The following PON1 variants were observed in gnomAD, a reference collection of about 807,000 sequenced individuals.
The protein encoded by PON1 is paraoxonase 1.
A neutral mutation model predicts 39.2 loss-of-function variants in PON1; 37 were observed. The ratio of observed to expected loss-of-function variants is 0.94; its 90% CI spans 0.73 to 1.24. The LOEUF (loss-of-function observed/expected upper bound fraction) is 1.24. PON1 is among the 50% of genes most tolerant of loss of function. The pLI, the probability that PON1 is intolerant of heterozygous loss-of-function variation, is 0.00. For synonymous variants in PON1, 148 were observed against 152.2 expected (o/e 0.97, Z 0.21); for missense variants, 397 against 413.5 (o/e 0.96, Z 0.35).
chr7:95,322,680 C>T (rs1291071396), intron 1 of PON1, among the ~76,000 whole-genome samples: 1 of 152,052 alleles, frequency 6.6e-6, no homozygotes, highest in African/African-American at 2.4e-5. Context: ...ATTCCATAGC[C>T]CAAGTTGGGG....
chr7:95,318,521 C>A, intron 1 of PON1, 128 bp from the exon 2 acceptor site: 1 of 836,408 alleles, frequency 1.2e-6, no homozygotes, highest in Non-Finnish European at 2.0e-6. Context: ...AGAGTTTTTC[C>A]TGCAATTTTT....
At chr7:95,301,733 A>G (rs755612684) in intron 8 of PON1, among the ~76,000 whole-genome samples, 27 of 152,052 alleles carry the variant, frequency 1.8e-4, no homozygotes, top group Non-Finnish European at 3.1e-4. Flanking sequence ...AGCACCTCCA[A>G]AAGCCTTCAT....
chr7:95,318,501 T>A, intron 1 of PON1, 108 bp from the exon 2 acceptor site: 1 of 998,840 alleles, frequency 1.0e-6, no homozygotes, highest in South Asian at 1.3e-5. Context: ...TTTGCCTGAG[T>A]TTCAACTCCA....
chr7:95,312,994 G>A (rs182942088), intron 4 of PON1, among the ~76,000 whole-genome samples: 1 of 152,194 alleles, frequency 6.6e-6, no homozygotes, highest in Non-Finnish European at 1.5e-5. Flanking sequence ...GCTCACTGGG[G>A]TATTTGAACC....
At chr7:95,302,483 C>T in intron 7 of PON1, 150 bp from the exon 8 acceptor site, 1 of 681,862 alleles carries the variant, frequency 1.5e-6, no homozygotes, top group Non-Finnish European at 2.5e-6. Context: ...CAATAAGACT[C>T]ACAAAATTTC....
chr7:95,314,689 G>A (rs1451600330), intron 4 of PON1, among the ~76,000 whole-genome samples: 1 of 152,162 alleles, frequency 6.6e-6, no homozygotes, highest in African/African-American at 2.4e-5. Context: ...TGGGGGCTGG[G>A]CATCGAGTCT....
At position 95,313,506 on chromosome 7, in the gene PON1, C is replaced by T. The variant is rs574765795; in HGVS notation, c.370+1816G>A. ...ACCTCATTTTTATTTTAAAAAGTATCCACACATCAAACACTATATTTCTTT... is the reference window on the plus strand; with the variant it reads ...ACCTCATTTTTATTTTAAAAAGTATTCACACATCAAACACTATATTTCTTT... On this transcript the variant is annotated intron_variant, in intron 4 of 8. Coordinates refer to ENST00000222381, the MANE Select transcript of PON1 (RefSeq NM_000446.7). Among the ~76,000 whole-genome samples the T allele has an allele frequency of 3.3e-5, 5 of 151,962 alleles. No homozygotes were observed. The South Asian group carries it at 1.0e-3, about 32-fold the overall frequency.
chr7:95,311,585 G>T lies in PON1; in HGVS notation c.371-8C>A, dbSNP rs1807656974. The T allele has an allele frequency of 1.2e-6, 2 of 1,613,992 alleles. No individual in the cohort carries two copies. The highest frequency in any genetic ancestry group is 1.7e-6 in the Non-Finnish European group (2 of 1,179,952). ...GGAGGTACATGGCATTATCTGAGAG[G>T]AGATTAAAAACAAAAATGAAACATT... On this transcript the variant is annotated splice_polypyrimidine_tract_variant and splice_region_variant and intron_variant, in intron 4 of 8. Transcript: ENST00000222381.
At position 95,308,101 on chromosome 7, in the gene PON1, G is replaced by A. The variant is rs912635040; in HGVS notation, c.608C>T (p.Ser203Leu). Residue 203 changes from serine to leucine, a missense_variant, in exon 6 of 9, where the codon TCG (serine) becomes TTG (leucine). Ser to Leu is a moderately radical substitution (Grantham distance 145). Transcript: ENST00000222381. ...ACTTGGACTATAGTAGACAACATACGACCACGCTAAACCCAAATACATCTC... is the reference window on the plus strand; with the variant it reads ...ACTTGGACTATAGTAGACAACATACAACCACGCTAAACCCAAATACATCTC... ...SWEMYLGLAW[S>L]YVVYYSPSEV... The A allele has an allele frequency of 6.8e-6, 11 of 1,613,944 alleles. No individual in the cohort carries two copies. Among genetic ancestry groups the A allele is most frequent in the South Asian group, 5.5e-5 (5 of 91,066 alleles).
intron 4 of PON1, among the ~76,000 whole-genome samples, chr7:95,314,721 C>T (rs1489631854): frequency 6.6e-6 from 1 of 152,100 alleles, no homozygotes; most frequent in Non-Finnish European, 1.5e-5. Flanking sequence ...TCAGGTGCTA[C>T]CATTGTGCAA....
intron 5 of PON1, among the ~76,000 whole-genome samples, chr7:95,310,864 A>G (rs752799048): frequency 6.2e-4 from 95 of 152,342 alleles, no homozygotes; most frequent in Non-Finnish European, 7.8e-4. Context: ...TTCACAGGGC[A>G]TGTGAGGAAG....
At chr7:95,310,964 C>A (rs1807640033) in intron 5 of PON1, among the ~76,000 whole-genome samples, 1 of 152,156 alleles carries the variant, frequency 6.6e-6, no homozygotes, top group Admixed American at 6.5e-5. Context: ...TACCACAGAT[C>A]TGCTATTGCA....
intron 4 of PON1, among the ~76,000 whole-genome samples, chr7:95,312,854 C>T (rs1471778111): frequency 1.3e-5 from 2 of 151,840 alleles, no homozygotes; most frequent in East Asian, 1.9e-4. Flanking sequence ...ACTTCCTGGA[C>T]ATATTCACTT....
intron 8 of PON1, 97 bp downstream of exon 8, chr7:95,302,096 CAAAAAAAAAAAA>C (rs770841829): frequency 3.4e-5 from 11 of 322,040 alleles, no homozygotes; most frequent in African/African-American, 1.0e-4. Context: ...TACTCTGTCA[CAAAAAAAAAAAA>C]AAAAAAAAAA....
At chr7:95,302,637 A>G (rs1397620675) in intron 7 of PON1, among the ~76,000 whole-genome samples, 1 of 152,116 alleles carries the variant, frequency 6.6e-6, no homozygotes, top group Non-Finnish European at 1.5e-5. Flanking sequence ...AAACTGAAAA[A>G]AAAAAGAAGT....
intron 2 of PON1, among the ~76,000 whole-genome samples, chr7:95,317,915 A>G (rs1807806390): frequency 6.6e-6 from 1 of 152,126 alleles, no homozygotes; most frequent in Admixed American, 6.5e-5. Context: ...CAAAAGAGAG[A>G]TGCATAAGGA....
At chr7:95,307,909 G>T in intron 6 of PON1, 102 bp downstream of exon 6, 1 of 1,153,926 alleles carries the variant, frequency 8.7e-7, no homozygotes, top group Non-Finnish European at 1.3e-6. Context: ...TCTCACTAGG[G>T]TAACATGTTA....
chr7:95,298,910 C>T lies in PON1; in HGVS notation c.*34G>A. On this transcript the variant is annotated 3_prime_UTR_variant, in exon 9 of 9. Coordinates refer to ENST00000222381, the MANE Select transcript of PON1 (RefSeq NM_000446.7). ...TATGGCAAGCGGTTGAAATAATGGC[C>T]TCAGTTTCTATGGCATGGGTGCAAA... 6.2e-7 allele frequency: 1 copy of T among 1,613,792 alleles called. No homozygotes were observed. The highest frequency in any genetic ancestry group is 2.2e-5 in the East Asian group (1 of 44,858).
rs1474064512 is a variant in PON1, at chr7:95,308,006, C to T, written c.698+5G>A. 4 of 1,611,396 alleles carry T rather than the reference C, an allele frequency of 2.5e-6. No homozygotes were observed. Among genetic ancestry groups the T allele is most frequent in the East Asian group, 2.2e-5 (1 of 44,884 alleles). On this transcript the variant is annotated splice_donor_5th_base_variant and intron_variant, in intron 6 of 8. Coordinates refer to ENST00000222381, the MANE Select transcript of PON1 (RefSeq NM_000446.7). ...AATCCACTACATTTCAGAGAGTTCA[C>T]ATACTTGCCATCGGGTGAAATGTTG...
Sources: gnomAD v4.1 joint callset for allele counts (sites outside exome capture counted in the v4.1 genomes callset) on GRCh38, gnomAD v4.1.1 for gene constraint, MANE v1.5 for transcripts, NCBI Gene and HGNC (gene_info 2026-07-23, HGNC 2026-07-21) for gene names.